Variants in ANO1 observed in about 807,000 individuals in gnomAD.
The protein encoded by ANO1 is anoctamin 1, also known as anoctamin-1.
ANO1 carries 59 observed loss-of-function variants against 124.0 expected under a neutral mutation model. The observed-to-expected ratio is 0.48, with a 90% CI of 0.39 to 0.59. The LOEUF (loss-of-function observed/expected upper bound fraction) is 0.59. ANO1 is among the 20% of genes least tolerant of loss of function. The pLI is 0.00. For synonymous variants in ANO1, 529 were observed against 532.0 expected (o/e 0.99, Z 0.08); for missense variants, 1,059 against 1,328.0 (o/e 0.80, Z 3.15).
At chr11:70,011,097 C>T (rs1348772319) in intron 1 of ANO1, among the ~76,000 whole-genome samples, 3 of 152,280 alleles carry the variant, frequency 2.0e-5, no homozygotes, top group East Asian at 3.9e-4. Flanking sequence ...TACAGGAGGG[C>T]CTCCTGGAGG....
At chr11:70,138,653 A>G (rs908196760) in intron 11 of ANO1, among the ~76,000 whole-genome samples, 1 of 152,224 alleles carries the variant, frequency 6.6e-6, no homozygotes, top group African/African-American at 2.4e-5. Context: ...CATCTGGCAG[A>G]TGAACAAACT....
At chr11:69,980,421 C>T in the ANO1 span, among the ~76,000 whole-genome samples, 2 of 151,746 alleles carry the variant, frequency 1.3e-5, no homozygotes, top group African/African-American at 4.8e-5. Context: ...CAGATCGAGA[C>T]CATCCTGGCT....
At chr11:70,020,463 C>A (rs1189484715) in intron 1 of ANO1, among the ~76,000 whole-genome samples, 1 of 152,212 alleles carries the variant, frequency 6.6e-6, no homozygotes, top group Non-Finnish European at 1.5e-5. Context: ...CCCTGGGGCT[C>A]CTTGAGCCTC....
At chr11:69,976,825 G>A in the ANO1 span, among the ~76,000 whole-genome samples, 6 of 152,226 alleles carry the variant, frequency 3.9e-5, no homozygotes, top group African/African-American at 9.6e-5. Flanking sequence ...GGCCCTGACC[G>A]GCCCGGGCCA....
intron 2 of ANO1, among the ~76,000 whole-genome samples, chr11:70,090,598 C>T (rs965766202): frequency 6.6e-6 from 1 of 152,178 alleles, no homozygotes; most frequent in Non-Finnish European, 1.5e-5. Context: ...TATTATTGTT[C>T]ATACTGAAGC....
At chr11:70,124,237 T>C in intron 8 of ANO1, 113 bp from the exon 9 acceptor site, 1 of 972,436 alleles carries the variant, frequency 1.0e-6, no homozygotes, top group South Asian at 1.4e-5. Flanking sequence ...TCAAGAAGTG[T>C]TTATGGGATG....
intron 1 of ANO1, among the ~76,000 whole-genome samples, chr11:70,009,078 C>T (rs1283980514): frequency 7.9e-5 from 12 of 152,310 alleles, no homozygotes; most frequent in Non-Finnish European, 1.2e-4. Flanking sequence ...AGACATTTCC[C>T]GCATTCCTGG....
intron 24 of ANO1, among the ~76,000 whole-genome samples, chr11:70,184,842 G>A (rs571976901): frequency 6.6e-6 from 1 of 152,226 alleles, no homozygotes; most frequent in African/African-American, 2.4e-5. Context: ...AACCTCCCGG[G>A]CTCAGGTGAT....
intron 22 of ANO1, among the ~76,000 whole-genome samples, chr11:70,177,109 T>C (rs2048732705): frequency 6.6e-6 from 1 of 152,208 alleles, no homozygotes; most frequent in African/African-American, 2.4e-5. Context: ...GTTGTCTCTC[T>C]GGGCCGGTTG....
chr11:70,102,169 G>A (rs1056094149), intron 2 of ANO1, among the ~76,000 whole-genome samples: 4 of 152,232 alleles, frequency 2.6e-5, no homozygotes, highest in Non-Finnish European at 4.4e-5. Context: ...CCGATTAAGA[G>A]TGGGGAGTCA....
At chr11:70,063,088 C>T (rs1292613180) in intron 1 of ANO1, among the ~76,000 whole-genome samples, 1 of 152,130 alleles carries the variant, frequency 6.6e-6, no homozygotes, top group African/African-American at 2.4e-5. Context: ...TGCCACCACG[C>T]CCAGCTAATT....
At chr11:70,179,606 G>A (rs187212678) in intron 22 of ANO1, among the ~76,000 whole-genome samples, 87 of 152,264 alleles carry the variant, frequency 5.7e-4, no homozygotes, top group African/African-American at 2.0e-3. Flanking sequence ...GCCATGTCTG[G>A]CCTATCCCTA....
intron 1 of ANO1, chr11:70,016,281 C>T (rs1433546378): frequency 6.6e-6 from 1 of 152,224 alleles, no homozygotes; most frequent in Non-Finnish European, 1.5e-5. Flanking sequence ...CCACCTCAGC[C>T]TCCCAGAGTG....
chr11:70,047,006 G>C (rs1555005729), intron 1 of ANO1, among the ~76,000 whole-genome samples: 1 of 148,302 alleles, frequency 6.7e-6, no homozygotes, highest in African/African-American at 2.5e-5. Flanking sequence ...CTTGAGCCCA[G>C]AAGATGGAGG....
chr11:70,094,064 C>G (rs985655676), intron 2 of ANO1, among the ~76,000 whole-genome samples: 5 of 152,168 alleles, frequency 3.3e-5, no homozygotes, highest in East Asian at 1.9e-4. Flanking sequence ...AGTTAATCCT[C>G]GAGCCCACAG....
chr11:70,095,346 AAAAGAAAG>A (rs540551294), intron 2 of ANO1, among the ~76,000 whole-genome samples: 1,050 of 104,560 alleles, frequency 0.01, 41 homozygotes, highest in East Asian at 0.017. Flanking sequence ...AAGAGAAAGA[AAAAGAAAG>A]AAAGAAAGAA....
At chr11:70,068,011 C>A (rs1857775501) in intron 1 of ANO1, among the ~76,000 whole-genome samples, 1 of 152,220 alleles carries the variant, frequency 6.6e-6, no homozygotes. Flanking sequence ...AATAAATAGG[C>A]TGATTGCCCC....
chr11:70,052,053 T>TAAGGTC (rs1259737931), intron 1 of ANO1, among the ~76,000 whole-genome samples: 2 of 152,276 alleles, frequency 1.3e-5, no homozygotes, highest in Non-Finnish European at 2.9e-5. Flanking sequence ...GTGTATGACA[T>TAAGGTC]AAGGTCAAGG....
chr11:69,971,507 C>T, the ANO1 span, among the ~76,000 whole-genome samples: 2 of 152,148 alleles, frequency 1.3e-5, no homozygotes, highest in African/African-American at 2.4e-5. Context: ...AAAAGAGAAA[C>T]TTCTAAAAAG....
Sources: gnomAD v4.1 joint callset for allele counts (sites outside exome capture counted in the v4.1 genomes callset) on GRCh38, gnomAD v4.1.1 for gene constraint, MANE v1.5 for transcripts, NCBI Gene and HGNC (gene_info 2026-07-23, HGNC 2026-07-21) for gene names.